The following CYP39A1 variants were observed in gnomAD, a reference collection of about 807,000 sequenced individuals.
The protein encoded by CYP39A1 is 24-hydroxycholesterol 7-alpha-hydroxylase.
In CYP39A1, 49 loss-of-function variants were observed where a neutral mutation model predicts 58.1. The ratio of observed to expected loss-of-function variants is 0.84; its 90% CI spans 0.67 to 1.07. CYP39A1 has a LOEUF of 1.07. CYP39A1 is among the 50% of genes least tolerant of loss of function. The probability of loss-of-function intolerance (pLI) is 0.00; values close to 1 mark genes in which losing one functional copy is unlikely to be tolerated. For missense variants in CYP39A1, 531 were observed against 539.4 expected (o/e 0.98, Z 0.16); for synonymous variants, 209 against 187.6 (o/e 1.11, Z -0.93).
chr6:46,629,525 A>G (rs6905960), intron 6 of CYP39A1, among the ~76,000 whole-genome samples: 2,252 of 152,328 alleles, frequency 0.015, 55 homozygotes, highest in African/African-American at 0.049. Flanking sequence ...TGTATATTCC[A>G]CTGGCTAACA....
intron 10 of CYP39A1, among the ~76,000 whole-genome samples, chr6:46,584,776 G>T (rs983712110): frequency 6.6e-6 from 1 of 152,054 alleles, no homozygotes; most frequent in Non-Finnish European, 1.5e-5. Context: ...TCATTCTGTT[G>T]TCTCAAGCTA....
At chr6:46,637,562 G>A (rs1038659842) in intron 4 of CYP39A1, among the ~76,000 whole-genome samples, 1 of 152,170 alleles carries the variant, frequency 6.6e-6, no homozygotes, top group African/African-American at 2.4e-5. Context: ...ATAAAAAGCT[G>A]TACATGGGAT....
At chr6:46,650,718 A>G (rs1016830536) in intron 1 of CYP39A1, among the ~76,000 whole-genome samples, 2 of 151,634 alleles carry the variant, frequency 1.3e-5, no homozygotes, top group Admixed American at 1.3e-4. Flanking sequence ...GTCTTGCTAT[A>G]TCTCCCGGGC....
intron 7 of CYP39A1, among the ~76,000 whole-genome samples, chr6:46,604,119 G>A (rs1337468115): frequency 6.6e-6 from 1 of 152,118 alleles, no homozygotes; most frequent in Non-Finnish European, 1.5e-5. Flanking sequence ...AAATGTCTTT[G>A]TTTAGAATAC....
At chr6:46,564,286 G>A (rs1451911271) in intron 10 of CYP39A1, among the ~76,000 whole-genome samples, 3 of 151,604 alleles carry the variant, frequency 2.0e-5, no homozygotes, top group Non-Finnish European at 4.4e-5. Flanking sequence ...CTGCCTCAGG[G>A]GTTCAAGCTA....
chr6:46,570,448 T>A (rs528891994), intron 10 of CYP39A1, among the ~76,000 whole-genome samples: 1 of 152,296 alleles, frequency 6.6e-6, no homozygotes, highest in Admixed American at 6.5e-5. Context: ...TTCTTTATTC[T>A]TAATGTAGGT....
intron 2 of CYP39A1, 74 bp downstream of exon 2, chr6:46,642,089 T>A (rs575750873): frequency 5.0e-5 from 73 of 1,450,458 alleles, no homozygotes; most frequent in Non-Finnish European, 6.7e-5. Context: ...GGAATGAGGA[T>A]GTAATTTTTA....
At chr6:46,601,589 G>A (rs1773509383) in intron 7 of CYP39A1, among the ~76,000 whole-genome samples, 1 of 152,080 alleles carries the variant, frequency 6.6e-6, no homozygotes, top group Non-Finnish European at 1.5e-5. Flanking sequence ...CCACAAGGTT[G>A]CTGTCAGGAT....
In CYP39A1 at chr6:46,549,952, T is replaced by A. The variant is rs1317180898; in HGVS notation, c.*414A>T. 1 of 153,854 alleles carries A rather than the reference T, an allele frequency of 6.5e-6. No homozygotes were observed. Among genetic ancestry groups the A allele is most frequent in the Non-Finnish European group, 1.5e-5 (1 of 68,902 alleles). The allele number at this position is 153,854 out of a possible 1,614,324, so 9.5% of individuals were successfully genotyped here. On this transcript the variant is annotated 3_prime_UTR_variant, in exon 12 of 12. Coordinates refer to ENST00000275016, the MANE Select transcript of CYP39A1 (RefSeq NM_016593.5). ...AAAATTTGTAGAAATAATTATTAAA[T>A]TTTAAAAATCTAAGCCTTTTAGACT...
intron 1 of CYP39A1, among the ~76,000 whole-genome samples, chr6:46,643,731 GTA>G (rs1398158925): frequency 6.6e-6 from 1 of 152,320 alleles, no homozygotes. Context: ...TAACTGCGGA[GTA>G]AAAGATGGTC....
chr6:46,651,284 G>C (rs1248571581), intron 1 of CYP39A1, among the ~76,000 whole-genome samples: 1 of 152,116 alleles, frequency 6.6e-6, no homozygotes, highest in Admixed American at 6.5e-5. Context: ...AAAAAAGTTT[G>C]GCAGCAACCT....
At chr6:46,586,732 G>T (rs1245086601) in intron 10 of CYP39A1, among the ~76,000 whole-genome samples, 1 of 152,048 alleles carries the variant, frequency 6.6e-6, no homozygotes, top group African/African-American at 2.4e-5. Context: ...CAATGTCATA[G>T]TGAAAGAAAT....
chr6:46,550,414 G>C lies in CYP39A1; in HGVS notation c.1362C>G (p.Val454=), dbSNP rs1296728665. ...TTCGGCATTGCCCTTCCGGCTGGGG[G>C]ACACCCACCAAATGGAGATAACTCT... ...PKQSYLHLVG[V]PQPEGQCRIE... The change falls in exon 12 of 12, where the codon GTC becomes GTG. Residue 454 remains valine, a synonymous_variant. Transcript: ENST00000275016. 1 of 1,611,878 alleles carries C rather than the reference G, an allele frequency of 6.2e-7. No homozygotes were observed. The highest frequency in any genetic ancestry group is 1.1e-5 in the South Asian group (1 of 90,494).
At chr6:46,634,115 G>C (rs966121689) in intron 5 of CYP39A1, among the ~76,000 whole-genome samples, 11 of 152,180 alleles carry the variant, frequency 7.2e-5, no homozygotes, top group African/African-American at 2.4e-4. Flanking sequence ...CACATGTTGT[G>C]GTAGGGATCC....
chr6:46,593,192 G>A lies in CYP39A1; in HGVS notation c.1065+2795C>T, dbSNP rs143399743. Among the ~76,000 whole-genome samples, 321 of 152,164 alleles carry A rather than the reference G, an allele frequency of 2.1e-3. 1 individual carries two copies. The highest frequency in any genetic ancestry group is 7.2e-3 in the African/African-American group (299 of 41,526). On this transcript the variant is annotated intron_variant, in intron 8 of 11. Coordinates refer to ENST00000275016, the MANE Select transcript of CYP39A1 (RefSeq NM_016593.5). Reference sequence around the variant, plus strand: ...TACAAAGAGAATATTAGATAGTTGCGGTAGTACATTTAAGAGGTTGTGCAG... The same window carrying A: ...TACAAAGAGAATATTAGATAGTTGCAGTAGTACATTTAAGAGGTTGTGCAG...
At chr6:46,613,939 C>CAAAAAA (rs34289054) in intron 7 of CYP39A1, among the ~76,000 whole-genome samples, 1 of 121,076 alleles carries the variant, frequency 8.3e-6, no homozygotes, top group African/African-American at 2.7e-5. Context: ...CACAAAGAAG[C>CAAAAAA]AAAAAAAAAA....
Position 46,616,175 on chromosome 6 carries a change from CT to C in CYP39A1, c.931+9242del, listed in dbSNP as rs1261406697. On this transcript the variant is annotated intron_variant, in intron 7 of 11. Coordinates refer to ENST00000275016, the MANE Select transcript of CYP39A1 (RefSeq NM_016593.5). The stretch of plus-strand genomic sequence containing the variant: ...TTCTTTCTTTCTTTTTTCTTTCTTT[CT>C]TTCTTTCTTTCTTCTTTCCCTCCCT... Among the ~76,000 whole-genome samples the C allele has an allele frequency of 3.9e-3, 109 of 27,864 alleles. 3 individuals carry two copies. Among genetic ancestry groups the C allele is most frequent in the African/African-American group, 4.7e-3 (29 of 6,108 alleles). The allele number at this position is 27,864 out of a possible 152,430, so 18.3% of individuals were successfully genotyped here. A position where few individuals can be genotyped will look rare whatever the true frequency, so the allele number is the denominator to read the frequency against.
chr6:46,632,763 C>A (rs1303860656), intron 5 of CYP39A1, among the ~76,000 whole-genome samples: 1 of 151,912 alleles, frequency 6.6e-6, no homozygotes, highest in Non-Finnish European at 1.5e-5. Context: ...GTTAGGATCC[C>A]AACCCTGTGA....
At chr6:46,559,089 T>C (rs1259101561) in intron 10 of CYP39A1, among the ~76,000 whole-genome samples, 4 of 143,814 alleles carry the variant, frequency 2.8e-5, no homozygotes, top group African/African-American at 5.8e-5. Flanking sequence ...ATTCATTCAG[T>C]AGAAAATTTA....
Sources: gnomAD v4.1 joint callset for allele counts (sites outside exome capture counted in the v4.1 genomes callset) on GRCh38, gnomAD v4.1.1 for gene constraint, MANE v1.5 for transcripts, NCBI Gene and HGNC (gene_info 2026-07-23, HGNC 2026-07-21) for gene names.